Variants in WSCD1 observed in about 807,000 individuals in gnomAD.
WSCD1 encodes sialate:O-sulfotransferase 1.
A neutral mutation model predicts 60.4 loss-of-function variants in WSCD1; 41 were observed. The observed-to-expected ratio is 0.68, with a 90% CI of 0.53 to 0.88. The LOEUF (loss-of-function observed/expected upper bound fraction) is 0.88, where lower values mean the gene tolerates loss of function less well. Among genes scored for constraint, WSCD1 ranks in the 40% least tolerant of loss-of-function variants. WSCD1 has a pLI of 0.00. For missense variants in WSCD1, 784 were observed against 796.2 expected (o/e 0.98, Z 0.18); for synonymous variants, 361 against 332.5 (o/e 1.09, Z -0.93).
Position 6,109,687 on chromosome 17 carries a change from G to A in WSCD1, c.930G>A (p.Met310Ile), listed in dbSNP as rs1416879524. ...PTPRFNLRDA[M>I]DSSVCGQDPE... ...CCCGGTTCAACCTGCGGGATGCCAT[G>A]GACAGCTCAGTATGTGGCCAGGACC... The change falls in exon 6 of 9, where the codon ATG becomes ATA. Residue 310 changes from methionine to isoleucine, a missense_variant. By Grantham distance (10) the Met-to-Ile change is conservative. Transcript: ENST00000317744. 3 of 1,614,154 alleles carry A rather than the reference G, an allele frequency of 1.9e-6. No individual in the cohort carries two copies. The highest frequency in any genetic ancestry group is 1.7e-5 in the Admixed American group (1 of 60,024).
At chr17:6,090,219 A>C (rs202039965) in intron 3 of WSCD1, 102 bp from the exon 4 acceptor site, 1 of 1,038,134 alleles carries the variant, frequency 9.6e-7, no homozygotes, top group Non-Finnish European at 1.3e-6. Flanking sequence ...ACAAAAAAAA[A>C]ACATACTTTC....
At position 6,118,404 on chromosome 17, in the gene WSCD1, T is replaced by C. The variant is rs1441580434; in HGVS notation, c.1375+216T>C. Among the ~76,000 whole-genome samples the C allele has an allele frequency of 6.6e-6, 1 of 152,208 alleles. No individual in the cohort carries two copies. Among genetic ancestry groups the C allele is most frequent in the Non-Finnish European group, 1.5e-5 (1 of 68,036 alleles). On this transcript the variant is annotated intron_variant, in intron 8 of 8. Coordinates refer to ENST00000317744, the MANE Select transcript of WSCD1 (RefSeq NM_015253.2). This position sits in a 1 kb window ranked among gnomAD's most constrained non-coding sequence, Gnocchi z 5.8. ...TGCCCCCCATGCCTGCTGAGGTCCA[T>C]ACGCCAAGGCATTTTACTTAGATGC... is the stretch of plus-strand genomic sequence containing the variant.
chr17:6,098,400 A>C (rs34064259), intron 5 of WSCD1, among the ~76,000 whole-genome samples: 1 of 152,228 alleles, frequency 6.6e-6, no homozygotes, highest in South Asian at 2.1e-4. Context: ...ACACTGGAGC[A>C]TGTGCCAGAA....
At chr17:6,111,740 A>T (rs1044329623) in intron 7 of WSCD1, among the ~76,000 whole-genome samples, 1 of 151,390 alleles carries the variant, frequency 6.6e-6, no homozygotes, top group Non-Finnish European at 1.5e-5. Flanking sequence ...AGGAAACATG[A>T]CGTCTGCAAA....
intron 4 of WSCD1, among the ~76,000 whole-genome samples, chr17:6,090,808 C>A (rs930021162): frequency 6.6e-6 from 1 of 152,158 alleles, no homozygotes; most frequent in Non-Finnish European, 1.5e-5. Context: ...CGGCAGCTCA[C>A]TGCCCCTCTC....
chr17:6,105,436 T>C (rs1911033900), intron 5 of WSCD1, among the ~76,000 whole-genome samples: 1 of 152,126 alleles, frequency 6.6e-6, no homozygotes, highest in Admixed American at 6.5e-5. Flanking sequence ...CACTGAAGCA[T>C]AGGGTAGGGT....
At chr17:6,073,190 A>T (rs1189142511) in intron 1 of WSCD1, among the ~76,000 whole-genome samples, 1 of 152,074 alleles carries the variant, frequency 6.6e-6, no homozygotes, top group Admixed American at 6.6e-5. Context: ...CACTCCACTC[A>T]CTTGTCCACC....
chr17:6,089,875 T>C (rs113723625), intron 3 of WSCD1, among the ~76,000 whole-genome samples: 1 of 152,200 alleles, frequency 6.6e-6, no homozygotes, highest in Non-Finnish European at 1.5e-5. Context: ...GACTGTTGCC[T>C]GAACTTAGCC....
At chr17:6,095,583 A>G (rs1333791383) in intron 5 of WSCD1, among the ~76,000 whole-genome samples, 1 of 152,202 alleles carries the variant, frequency 6.6e-6, no homozygotes, top group Non-Finnish European at 1.5e-5. Flanking sequence ...ATTTTCTGTT[A>G]TTGGTGCTGA....
At chr17:6,095,027 C>G in intron 4 of WSCD1, 75 bp from the exon 5 acceptor site, 2 of 1,550,854 alleles carry the variant, frequency 1.3e-6, no homozygotes, top group Non-Finnish European at 1.7e-6. Context: ...GGACCTAAAG[C>G]CAGCATTTTC....
intron 3 of WSCD1, among the ~76,000 whole-genome samples, chr17:6,088,665 C>G (rs1909816345): frequency 6.7e-6 from 1 of 150,084 alleles, no homozygotes; most frequent in Non-Finnish European, 1.5e-5. Flanking sequence ...ATGTCAAGGC[C>G]CTCACAACTG....
chr17:6,120,714 G>C lies in WSCD1; in HGVS notation c.*53G>C. The C allele has an allele frequency of 6.5e-7, 1 of 1,541,766 alleles. No homozygotes were observed. ...CTGAGTGACGCAATCGCACCACGGG[G>C]CTGCGCTCCCCACTCTGATGCTCAG... On this transcript the variant is annotated 3_prime_UTR_variant, in exon 9 of 9. Transcript: ENST00000317744.
chr17:6,108,206 G>C (rs1310638654), intron 5 of WSCD1, among the ~76,000 whole-genome samples: 1 of 152,188 alleles, frequency 6.6e-6, no homozygotes, highest in Admixed American at 6.5e-5. Flanking sequence ...TTTTATGAGT[G>C]CCCAAATCCT....
rs1219450131 is a variant in WSCD1 at position 6,110,475 on chromosome 17, C to T, written c.1010-296C>T. Among the ~76,000 whole-genome samples the T allele has an allele frequency of 6.6e-6, 1 of 152,150 alleles. No individual in the cohort carries two copies. Among genetic ancestry groups the T allele is most frequent in the African/African-American group, 2.4e-5 (1 of 41,424 alleles). ...GGAATTATCTGTGCTATGTCAGGAG[C>T]AAGAGTTTGGCTGTGGCCATAGAGA... On this transcript the variant is annotated intron_variant, in intron 6 of 8. Transcript: ENST00000317744. This position sits in a 1 kb window ranked among gnomAD's most constrained non-coding sequence, Gnocchi z 4.8.
intron 5 of WSCD1, among the ~76,000 whole-genome samples, chr17:6,096,375 C>T (rs547136872): frequency 1.3e-5 from 2 of 152,048 alleles, no homozygotes; most frequent in Admixed American, 6.6e-5. Flanking sequence ...TCTGCTGCAC[C>T]CCCCCACTCC....
intron 1 of WSCD1, chr17:6,071,250 G>A (rs1410607533): frequency 1.3e-5 from 2 of 152,270 alleles, no homozygotes; most frequent in East Asian, 3.9e-4. Context: ...ACGACTGAAG[G>A]TTGCTAAATT....
upstream of WSCD1, chr17:6,069,390 CGTGTGTGTGTGTGTGT>C (rs771018197): frequency 3.0e-6 from 1 of 334,534 alleles, no homozygotes; most frequent in African/African-American, 2.6e-5. Flanking sequence ...CACCTCGGTG[CGTGTGTGTGTGTGTGT>C]GTGTGTGTGT....
intron 4 of WSCD1, 46 bp downstream of exon 4, chr17:6,090,551 CG>C: frequency 6.3e-7 from 1 of 1,594,790 alleles, no homozygotes; most frequent in South Asian, 1.1e-5. Flanking sequence ...CTGTCCCACC[CG>C]CTCTGGCTGC....
At chr17:6,119,120 T>C (rs979639085) in intron 8 of WSCD1, among the ~76,000 whole-genome samples, 1 of 152,178 alleles carries the variant, frequency 6.6e-6, no homozygotes, top group African/African-American at 2.4e-5. Context: ...CATATCTGAC[T>C]CTAATCGCCT....
Sources: allele counts gnomAD v4.1 joint callset (sites outside exome capture counted in the v4.1 genomes callset), GRCh38; gene constraint gnomAD v4.1.1; non-coding constraint Gnocchi (gnomAD v3.1); transcripts MANE v1.5; gene names NCBI Gene and HGNC (gene_info 2026-07-23, HGNC 2026-07-21).